AGAP9: variants seen among roughly 807,000 people sequenced by gnomAD.
AGAP9 encodes the protein ArfGAP with GTPase domain, ankyrin repeat and PH domain 9.
A neutral mutation model predicts 55.6 loss-of-function variants in AGAP9; 23 were observed. The ratio of observed to expected loss-of-function variants is 0.41; its 90% confidence interval spans 0.30 to 0.59. AGAP9 has a LOEUF of 0.59. Ranked by LOEUF, AGAP9 falls within the 20% of genes least tolerant of loss-of-function variation. The pLI, the probability that AGAP9 is intolerant of heterozygous loss-of-function variation, is 0.25. For missense variants in AGAP9, 309 were observed against 808.1 expected (o/e 0.38, Z 7.49); for synonymous variants, 120 against 305.0 (o/e 0.39, Z 6.32).
intron 5 of AGAP9, among the ~76,000 whole-genome samples, chr10:47,508,981 C>T (rs1190566473): frequency 7.6e-6 from 1 of 132,216 alleles, no homozygotes; most frequent in Admixed American, 7.4e-5. Flanking sequence ...CTTCTTGAAG[C>T]CAATTTGCCC....
chr10:47,515,864 C>A (rs1182369279), intron 4 of AGAP9, among the ~76,000 whole-genome samples: 2 of 103,358 alleles, frequency 1.9e-5, no homozygotes, highest in African/African-American at 7.4e-5. Context: ...TGAGTGCTAT[C>A]AGTTAACAGA....
intron 4 of AGAP9, among the ~76,000 whole-genome samples, chr10:47,515,752 G>T (rs1325246361): frequency 4.3e-5 from 6 of 139,768 alleles, no homozygotes; most frequent in Non-Finnish European, 7.7e-5. Flanking sequence ...AAAATTGGGA[G>T]ATCCTTCTCA....
intron 4 of AGAP9, among the ~76,000 whole-genome samples, chr10:47,514,095 A>G (rs1305701025): frequency 7.1e-6 from 1 of 141,598 alleles, no homozygotes; most frequent in African/African-American, 2.6e-5. Context: ...AGACAACCAC[A>G]GAGTGGGAGG....
rs1227543456 is a variant in AGAP9 at position 47,516,393 on chromosome 10, C to CTGTAATA, written c.396+1423_396+1429dup. Among the ~76,000 whole-genome samples the CTGTAATA allele has an allele frequency of 1.7e-3, 169 of 98,760 alleles. 4 individuals carry two copies. The highest frequency in any genetic ancestry group is 6.9e-3 in the African/African-American group (159 of 23,122). 64.8% of individuals were successfully genotyped at this position (98,760 alleles called of 152,430 possible). On this transcript the variant is annotated intron_variant, in intron 4 of 7. Transcript: ENST00000452145. ...ACTGGCAATAGATTCAAGAACAACA[C>CTGTAATA]TGTAATAAGAGCACAACTGCAAAAT...
chr10:47,521,896 T>G (rs1367560099), intron 2 of AGAP9, among the ~76,000 whole-genome samples: 1 of 149,852 alleles, frequency 6.7e-6, no homozygotes. Flanking sequence ...TTCTCCCGCC[T>G]CAGCCTTGTG....
At chr10:47,522,039 A>G (rs75085590) in intron 2 of AGAP9, among the ~76,000 whole-genome samples, 642 of 147,950 alleles carry the variant, frequency 4.3e-3, no homozygotes, top group African/African-American at 0.016. Flanking sequence ...CGCCTGCCAC[A>G]GCCTCCCAAA....
At chr10:47,503,863 C>T (rs1303895146) in intron 7 of AGAP9, among the ~76,000 whole-genome samples, 1 of 103,336 alleles carries the variant, frequency 9.7e-6, no homozygotes, top group African/African-American at 4.3e-5. Context: ...GAACAGGGAC[C>T]TGGGAGGCAG....
At chr10:47,521,597 G>A (rs1840838677) in intron 2 of AGAP9, among the ~76,000 whole-genome samples, 1 of 143,526 alleles carries the variant, frequency 7.0e-6, no homozygotes, top group Non-Finnish European at 1.5e-5. Flanking sequence ...TGTTTATGAT[G>A]CAATGTTTTC....
chr10:47,521,817 G>A (rs1840847952), intron 2 of AGAP9, among the ~76,000 whole-genome samples: 1 of 150,982 alleles, frequency 6.6e-6, no homozygotes, highest in Non-Finnish European at 1.5e-5. Flanking sequence ...GTCTCGCTCT[G>A]TCACCCAGCC....
chr10:47,521,325 T>C (rs1261636956), intron 2 of AGAP9, among the ~76,000 whole-genome samples: 3 of 140,464 alleles, frequency 2.1e-5, no homozygotes, highest in Non-Finnish European at 4.6e-5. Context: ...ATACAAGTAC[T>C]TACATGCTTT....
At position 47,503,101 on chromosome 10, in the gene AGAP9, T is replaced by C. The variant is rs1840391493; in HGVS notation, c.1028A>G (p.Lys343Arg). Residue 343 changes from lysine to arginine, a missense_variant, in exon 8 of 8, where the codon AAG becomes AGG. Coordinates refer to ENST00000452145, the MANE Select transcript of AGAP9 (RefSeq NM_001190810.1). ...LRTSTIKVPG[K>R]WPSLATSACA... ...GGCTGATGTGGCTAGGGATGGCCAC[T>C]TTCCTGGGACTTTGATGGTAGATGT... The C allele has an allele frequency of 1.2e-6, 2 of 1,611,426 alleles. No individual in the cohort carries two copies. The highest frequency in any genetic ancestry group is 1.1e-5 in the South Asian group (1 of 90,998).
chr10:47,502,109 A>G lies in AGAP9; in HGVS notation c.*43T>C. On this transcript the variant is annotated 3_prime_UTR_variant, in exon 8 of 8. Coordinates refer to ENST00000452145, the MANE Select transcript of AGAP9 (RefSeq NM_001190810.1). The stretch of plus-strand genomic sequence containing the variant: ...CTCGTCGGGGCAGCCGTACTGCAGA[A>G]GCACGTTGATGCACTCCTGGCTGGA... 1 of 1,573,342 alleles carries G rather than the reference A, an allele frequency of 6.4e-7. No individual in the cohort carries two copies. Among genetic ancestry groups the G allele is most frequent in the Non-Finnish European group, 8.6e-7 (1 of 1,156,104 alleles).
At chr10:47,515,669 C>T (rs1840702878) in intron 4 of AGAP9, among the ~76,000 whole-genome samples, 2 of 136,262 alleles carry the variant, frequency 1.5e-5, no homozygotes. Context: ...AAACTGTACA[C>T]CAAAAATGGA....
chr10:47,508,080 G>A (rs1164875013), intron 5 of AGAP9, among the ~76,000 whole-genome samples: 1 of 132,574 alleles, frequency 7.5e-6, no homozygotes, highest in Non-Finnish European at 1.6e-5. Context: ...TTGGGGGGGT[G>A]GTGGGTGGAG....
At position 47,502,995 on chromosome 10, in the gene AGAP9, G is replaced by C; in HGVS notation, c.1134C>G (p.Ser378Arg). 6.4e-7 allele frequency: 1 copy of C among 1,566,596 alleles called. No homozygotes were observed. Among genetic ancestry groups the C allele is most frequent in the South Asian group, 1.1e-5 (1 of 89,446 alleles). The change falls in exon 8 of 8, where the codon AGC becomes AGG. Residue 378 changes from serine to arginine, a missense_variant. Ser to Arg is a moderately radical substitution (Grantham distance 110, BLOSUM62 -1). Transcript: ENST00000452145. Reference protein sequence around the residue: ...DTGLGDSICFSPGISSTTSPK... With the variant: ...DTGLGDSICFRPGISSTTSPK... ...GGCTGGTGGTGCTGGAGATACCGGG[G>C]CTGAAGCATATGGAGTCACCCAGCC...
chr10:47,514,051 C>T (rs1840681951), intron 4 of AGAP9, among the ~76,000 whole-genome samples: 1 of 141,716 alleles, frequency 7.1e-6, no homozygotes. Context: ...TAAAGAGCTT[C>T]TGCACAGGAA....
Position 47,506,004 on chromosome 10 carries a change from T to TA in AGAP9, c.533+1543dup, listed in dbSNP as rs1470044285. On this transcript the variant is annotated intron_variant, in intron 6 of 7. Transcript: ENST00000452145. ...GTAGGCTTGGCAGCTTTTCAATACT[T>TA]AAAGGCCTGTTAAAGTAAGATTGGT... 1.7e-3 allele frequency among the ~76,000 whole-genome samples: 247 copies of TA among 142,790 alleles called. 26 individuals carry two copies. The highest frequency in any genetic ancestry group is 5.7e-3 in the African/African-American group (226 of 39,462). 93.7% of individuals were successfully genotyped at this position (142,790 alleles called of 152,430 possible). A position where few individuals can be genotyped will look rare whatever the true frequency, so the allele number is the denominator to read the frequency against.
intron 4 of AGAP9, among the ~76,000 whole-genome samples, chr10:47,510,931 A>AATTAATTTATTT (rs1840604676): frequency 7.7e-6 from 1 of 129,852 alleles, no homozygotes; most frequent in African/African-American, 2.9e-5. Flanking sequence ...TTAATTAATT[A>AATTAATTTATTT]ATTAATTTAT....
At chr10:47,507,082 T>TC (rs1409156981) in intron 6 of AGAP9, among the ~76,000 whole-genome samples, 6 of 135,800 alleles carry the variant, frequency 4.4e-5, no homozygotes, top group Non-Finnish European at 9.5e-5. Flanking sequence ...AAGTTTTTTT[T>TC]CAATGAAAAA....
Sources: gnomAD v4.1 joint callset for allele counts (sites outside exome capture counted in the v4.1 genomes callset) on GRCh38, gnomAD v4.1.1 for gene constraint, MANE v1.5 for transcripts, NCBI Gene and HGNC (gene_info 2026-07-23, HGNC 2026-07-21) for gene names.